Variants in TACC2 observed in about 807,000 individuals in gnomAD.
TACC2 encodes the protein transforming acidic coiled-coil containing protein 2, also known as transforming acidic coiled-coil-containing protein 2.
Under a neutral mutation model 227.3 loss-of-function variants are expected in TACC2, and 137 were observed. The ratio of observed to expected loss-of-function variants is 0.60; its 90% CI spans 0.52 to 0.69. The LOEUF is 0.69. Among genes scored for constraint, TACC2 ranks in the 30% least tolerant of loss-of-function variants. The pLI, the probability that TACC2 is intolerant of heterozygous loss-of-function variation, is 0.00. For missense variants in TACC2, 3,470 were observed against 3,694.4 expected (o/e 0.94, Z 1.57); for synonymous variants, 1,523 against 1,487.5 (o/e 1.02, Z -0.55).
intron 5 of TACC2, among the ~76,000 whole-genome samples, chr10:122,128,844 T>A (rs1333114272): frequency 6.6e-6 from 1 of 152,088 alleles, no homozygotes; most frequent in East Asian, 1.9e-4. Flanking sequence ...TTGTCCAAAT[T>A]GCTTCATTGT....
chr10:122,120,526 G>A (rs1384903862), intron 5 of TACC2, among the ~76,000 whole-genome samples: 3 of 152,076 alleles, frequency 2.0e-5, no homozygotes, highest in African/African-American at 4.8e-5. Context: ...CTCTCAGCAC[G>A]CCACTCCCTC....
At chr10:122,155,204 G>T (rs968898659) in intron 7 of TACC2, among the ~76,000 whole-genome samples, 4 of 152,224 alleles carry the variant, frequency 2.6e-5, no homozygotes, top group Non-Finnish European at 5.9e-5. Context: ...CCACAGAGGC[G>T]CAGATCCGCC....
In TACC2 at chr10:122,084,935, G is replaced by C; in HGVS notation, c.2435G>C (p.Gly812Ala). The change falls in exon 4 of 23, where the codon GGC (glycine) becomes GCC (alanine). Residue 812 changes from glycine to alanine, a missense_variant. By Grantham distance (60) the Gly-to-Ala change is moderately conservative. Around this residue, in one of 10 missense-constraint regions of TACC2, gnomAD observed 1,924 missense variants for 1,978.3 expected, o/e 0.97. Coordinates refer to ENST00000369005, the MANE Select transcript of TACC2 (RefSeq NM_206862.4). ...QQGIPSCPGE[G>A]WIRGAASEWP... Reference sequence around the variant, plus strand: ...GGAATCCCATCCTGCCCAGGGGAAGGCTGGATAAGAGGAGCTGCATCCGAG... The same window carrying C: ...GGAATCCCATCCTGCCCAGGGGAAGCCTGGATAAGAGGAGCTGCATCCGAG... The C allele has an allele frequency of 6.2e-7, 1 of 1,614,164 alleles. No individual in the cohort carries two copies. The highest frequency in any genetic ancestry group is 8.5e-7 in the Non-Finnish European group (1 of 1,180,044).
intron 10 of TACC2, among the ~76,000 whole-genome samples, chr10:122,216,380 A>ACT (rs2095407026): frequency 6.7e-6 from 1 of 148,588 alleles, no homozygotes; most frequent in Admixed American, 6.7e-5. Context: ...CAAAATCCTG[A>ACT]TTTTTTTTTT....
intron 5 of TACC2, among the ~76,000 whole-genome samples, chr10:122,113,506 G>A (rs1331285452): frequency 1.3e-5 from 2 of 152,216 alleles, no homozygotes; most frequent in Non-Finnish European, 2.9e-5. Flanking sequence ...GTGGTTCGGG[G>A]CGCGCGCCAG....
At chr10:122,250,494 G>A (rs1320655251) in intron 22 of TACC2, among the ~76,000 whole-genome samples, 1 of 152,194 alleles carries the variant, frequency 6.6e-6, no homozygotes, top group Non-Finnish European at 1.5e-5. Flanking sequence ...TGCCTCCCGA[G>A]TGGCCTCTAC....
chr10:122,019,822 G>C (rs1195381550), intron 1 of TACC2: 1 of 152,324 alleles, frequency 6.6e-6, no homozygotes, highest in Non-Finnish European at 1.5e-5. Context: ...AGAAAGTCCA[G>C]TTGCTGAAGG....
At chr10:122,245,958 C>T (rs1373335731) in intron 19 of TACC2, among the ~76,000 whole-genome samples, 1 of 149,936 alleles carries the variant, frequency 6.7e-6, no homozygotes, top group African/African-American at 2.5e-5. Context: ...TAGCCACTGG[C>T]CTGGGCAGCT....
intron 5 of TACC2, chr10:122,112,969 G>C (rs888682357): frequency 6.6e-6 from 1 of 152,184 alleles, no homozygotes; most frequent in Non-Finnish European, 1.5e-5. Context: ...GCCCAGAGCT[G>C]GGGGAGGAGC....
chr10:122,201,858 C>T (rs1234838240), intron 8 of TACC2, among the ~76,000 whole-genome samples: 1 of 152,146 alleles, frequency 6.6e-6, no homozygotes, highest in Admixed American at 6.5e-5. Context: ...GACAGCGAGG[C>T]ACAGCAAGGT....
chr10:122,253,833 G>C (rs2142015896), intron 22 of TACC2, among the ~76,000 whole-genome samples, 158 bp from the exon 23 acceptor site: 1 of 152,310 alleles, frequency 6.6e-6, no homozygotes, highest in East Asian at 1.9e-4. Flanking sequence ...CTACAGCTGG[G>C]ATATATACTC....
At chr10:122,107,475 G>C (rs573177091) in intron 5 of TACC2, among the ~76,000 whole-genome samples, 1 of 152,188 alleles carries the variant, frequency 6.6e-6, no homozygotes, top group African/African-American at 2.4e-5. Context: ...TGTAATCCCA[G>C]CTACTTGGGA....
At chr10:122,022,047 G>A (rs199570012) in intron 2 of TACC2, 33 bp downstream of exon 2, 491 of 1,613,104 alleles carry the variant, frequency 3.0e-4, no homozygotes, top group Non-Finnish European at 3.2e-4. Flanking sequence ...CTCGAGCTAC[G>A]TGGTGCTCTT....
rs182727957 is a variant in TACC2, at chr10:122,218,499, G to A, written c.7546+1671G>A. Among the ~76,000 whole-genome samples, 482 of 152,260 alleles carry A rather than the reference G, an allele frequency of 3.2e-3. 2 individuals are homozygous for A. The highest frequency in any genetic ancestry group is 4.7e-3 in the Non-Finnish European group (319 of 68,020). Reference sequence around the variant, plus strand: ...GTTTGCTTTGTGCCCACGAGGTCTTGGAATGGTACCAGCATGCAATTATGG... The same window carrying A: ...GTTTGCTTTGTGCCCACGAGGTCTTAGAATGGTACCAGCATGCAATTATGG... On this transcript the variant is annotated intron_variant, in intron 11 of 22. Transcript: ENST00000369005.
chr10:122,004,379 C>G (rs1212818287), intron 1 of TACC2, among the ~76,000 whole-genome samples: 1 of 143,990 alleles, frequency 6.9e-6, no homozygotes, highest in Non-Finnish European at 1.5e-5. Context: ...GCCTGGGCGA[C>G]AGAGCGAGAC....
chr10:122,084,729 A>C lies in TACC2; in HGVS notation c.2229A>C (p.Glu743Asp). ...PKAQEGESTL[E>D]IRKMGSCDGE... Reference sequence around the variant, plus strand: ...CCCAGGAAGGTGAGAGCACATTGGAAATAAGGAAGATGGGCAGCTGTGATG... The same window carrying C: ...CCCAGGAAGGTGAGAGCACATTGGACATAAGGAAGATGGGCAGCTGTGATG... Residue 743 changes from glutamate (E) to aspartate (D), a missense_variant, in exon 4 of 23, where the codon GAA becomes GAC. Glu to Asp is a conservative substitution (Grantham distance 45). Coordinates refer to ENST00000369005, the MANE Select transcript of TACC2 (RefSeq NM_206862.4). 6.2e-7 allele frequency: 1 copy of C among 1,613,604 alleles called. No homozygotes were observed. Among genetic ancestry groups the C allele is most frequent in the Non-Finnish European group, 8.5e-7 (1 of 1,180,028 alleles).
At chr10:122,183,340 C>T (rs1184866682) in intron 7 of TACC2, among the ~76,000 whole-genome samples, 2 of 152,186 alleles carry the variant, frequency 1.3e-5, no homozygotes, top group East Asian at 1.9e-4. Context: ...ATTAGTCATC[C>T]TCTCAGTCTC....
intron 2 of TACC2, among the ~76,000 whole-genome samples, chr10:122,036,195 C>A (rs913598368): frequency 1.4e-5 from 2 of 139,120 alleles, no homozygotes; most frequent in Non-Finnish European, 3.1e-5. Flanking sequence ...CTAATCCATT[C>A]TTTTTTTTTT....
intron 1 of TACC2, among the ~76,000 whole-genome samples, chr10:122,009,963 A>AT (rs1321235068): frequency 4.6e-5 from 7 of 152,174 alleles, no homozygotes; most frequent in African/African-American, 1.7e-4. Context: ...TTAAAAAGCT[A>AT]TTTTTAATTT....
Sources: allele counts gnomAD v4.1 joint callset (sites outside exome capture counted in the v4.1 genomes callset), GRCh38; gene constraint gnomAD v4.1.1; regional missense constraint gnomAD v4.1.1; transcripts MANE v1.5; gene names NCBI Gene and HGNC (gene_info 2026-07-23, HGNC 2026-07-21).